Variants in CNTNAP3B observed in about 807,000 individuals in gnomAD.
The protein encoded by CNTNAP3B is contactin-associated protein-like 3B.
Under a neutral mutation model 108.9 loss-of-function variants are expected in CNTNAP3B, and 25 were observed. That is an observed-to-expected ratio of 0.23 (90% confidence interval 0.17 to 0.32). The LOEUF (loss-of-function observed/expected upper bound fraction) is 0.32, where lower values mean the gene tolerates loss of function less well. Among genes scored for constraint, CNTNAP3B ranks in the 10% least tolerant of loss-of-function variants. CNTNAP3B has a pLI of 1.00. For missense variants in CNTNAP3B, 252 were observed against 1,210.4 expected (o/e 0.21, Z 11.75); for synonymous variants, 103 against 473.4 (o/e 0.22, Z 10.16).
chr9:41,954,901 G>C (rs531654293), intron 12 of CNTNAP3B, among the ~76,000 whole-genome samples: 1,861 of 151,854 alleles, frequency 0.012, 15 homozygotes, highest in African/African-American at 0.031. Flanking sequence ...GGCCAGGCTG[G>C]TCTTGAACTC....
At position 41,955,722 on chromosome 9, in the gene CNTNAP3B, G is replaced by C. The variant is rs538898426; in HGVS notation, c.1877-2336C>G. Among the ~76,000 whole-genome samples the C allele has an allele frequency of 4.6e-5, 7 of 152,418 alleles. No homozygotes were observed. The South Asian group carries it at 1.4e-3, about 32-fold the overall frequency. On this transcript the variant is annotated intron_variant, in intron 12 of 23. Transcript: ENST00000377561. ...GCTGAGTCAGAACACACTGGAGGCT[G>C]TCTCACTAGCCCAGAAGGAGGGTAA...
chr9:42,108,069 T>C lies in CNTNAP3B; in HGVS notation c.86-3330A>G, dbSNP rs1828118055. Among the ~76,000 whole-genome samples, 2 of 138,636 alleles carry C rather than the reference T, an allele frequency of 1.4e-5. 1 individual carries two copies. Among genetic ancestry groups the C allele is most frequent in the African/African-American group, 5.7e-5 (2 of 34,956 alleles). 91.0% of individuals were successfully genotyped at this position (138,636 alleles called of 152,430 possible). A position where few individuals can be genotyped will look rare whatever the true frequency, so the allele number is the denominator to read the frequency against. On this transcript the variant is annotated intron_variant, in intron 1 of 23. Transcript: ENST00000377561. ...GTACCTAAGTTTATTGTTTTTTCCC[T>C]ATCATTTTGAATTCTGTGAACACTT...
chr9:41,928,370 A>G (rs1175421391), intron 15 of CNTNAP3B, among the ~76,000 whole-genome samples: 16 of 152,188 alleles, frequency 1.1e-4, no homozygotes, highest in African/African-American at 3.9e-4. Context: ...TTTGCATCTC[A>G]GATGAGGAGC....
At position 41,977,930 on chromosome 9, in the gene CNTNAP3B, C is replaced by T. The variant is rs879237206; in HGVS notation, c.1478-7685G>A. 1.3e-4 allele frequency among the ~76,000 whole-genome samples: 19 copies of T among 142,190 alleles called. No homozygotes were observed. In the South Asian group the frequency reaches 1.8e-3, roughly 14 times the overall value. 93.3% of individuals were successfully genotyped at this position (142,190 alleles called of 152,430 possible). A position where few individuals can be genotyped will look rare whatever the true frequency, so the allele number is the denominator to read the frequency against. On this transcript the variant is annotated intron_variant, in intron 9 of 23. Coordinates refer to ENST00000377561, the MANE Select transcript of CNTNAP3B (RefSeq NM_001201380.3). ...ACAGGCGTGAGCCACTGTGCCTGGC[C>T]GAATTTTACTTTCATATTGTGCTGT...
rs1487462024 is a variant in CNTNAP3B at position 41,922,123 on chromosome 9, G to C, written c.2755+554C>G. The stretch of plus-strand genomic sequence containing the variant: ...TGGTTACTCCACTTCTCTGAGGCTT[G>C]GCTATCTCATCTGTAAACAGATGAC... On this transcript the variant is annotated intron_variant, in intron 17 of 23. Transcript: ENST00000377561. Among the ~76,000 whole-genome samples, 3 of 139,126 alleles carry C rather than the reference G, an allele frequency of 2.2e-5. 1 individual carries two copies. The highest frequency in any genetic ancestry group is 4.7e-5 in the Non-Finnish European group (3 of 64,452). 91.3% of individuals were successfully genotyped at this position (139,126 alleles called of 152,430 possible). A position where few individuals can be genotyped will look rare whatever the true frequency, so the allele number is the denominator to read the frequency against.
Position 42,111,091 on chromosome 9 carries a change from A to G in CNTNAP3B, c.86-6352T>C, listed in dbSNP as rs1315684023. Among the ~76,000 whole-genome samples, 4 of 138,638 alleles carry G rather than the reference A, an allele frequency of 2.9e-5. 1 individual carries two copies. The highest frequency in any genetic ancestry group is 1.1e-4 in the African/African-American group (4 of 34,868). 91.0% of individuals were successfully genotyped at this position (138,638 alleles called of 152,430 possible). The stretch of plus-strand genomic sequence containing the variant: ...TCACCCTACCACCTGGGGCCAGCAC[A>G]GGGACAAGCCTCAGGCCTGGCAACT... On this transcript the variant is annotated intron_variant, in intron 1 of 23. Coordinates refer to ENST00000377561, the MANE Select transcript of CNTNAP3B (RefSeq NM_001201380.3).
intron 13 of CNTNAP3B, among the ~76,000 whole-genome samples, chr9:41,941,954 A>G (rs1452989253): frequency 6.6e-6 from 1 of 152,256 alleles, no homozygotes; most frequent in Non-Finnish European, 1.5e-5. Context: ...AGGAGAAAAC[A>G]TTTTTGAAAT....
chr9:42,124,149 A>G (rs1233591560), intron 1 of CNTNAP3B, among the ~76,000 whole-genome samples: 1 of 138,200 alleles, frequency 7.2e-6, no homozygotes, highest in East Asian at 2.2e-4. Context: ...ATAAGGTTAA[A>G]ACTATTTTAA....
At chr9:42,035,754 C>T (rs1251134584) in intron 3 of CNTNAP3B, among the ~76,000 whole-genome samples, 18 of 151,002 alleles carry the variant, frequency 1.2e-4, no homozygotes, top group African/African-American at 3.4e-4. Flanking sequence ...AACTCCTGGG[C>T]TTAAGCTATC....
chr9:41,980,730 G>A (rs1825613183), intron 9 of CNTNAP3B: 1 of 146,924 alleles, frequency 6.8e-6, no homozygotes, highest in African/African-American at 2.6e-5. Context: ...TGAGGCATTG[G>A]AGGAACATAC....
intron 3 of CNTNAP3B, among the ~76,000 whole-genome samples, chr9:42,021,350 AT>A (rs1166168954): frequency 4.1e-5 from 1 of 24,684 alleles, no homozygotes; most frequent in African/African-American, 1.8e-4. Context: ...CTTGTTCTCT[AT>A]TTTTAATTTT....
rs1825921824 is a variant in CNTNAP3B, at chr9:41,997,494, T to C, written c.927+74A>G. ...TAGTCAACTTAGTTATGAATTACTA[T>C]AAAATGGCATTTCTCTATGCAGCTA... On this transcript the variant is annotated intron_variant, in intron 6 of 23. Coordinates refer to ENST00000377561, the MANE Select transcript of CNTNAP3B (RefSeq NM_001201380.3). 27 of 1,464,254 alleles carry C rather than the reference T, an allele frequency of 1.8e-5. No individual in the cohort carries two copies. The South Asian group carries it at 2.8e-4, about 15-fold the overall frequency. 90.7% of individuals were successfully genotyped at this position (1,464,254 alleles called of 1,614,324 possible).
chr9:42,124,418 C>T lies in CNTNAP3B; in HGVS notation c.85+4592G>A, dbSNP rs1047077240. ...TTTCACACTTGTCTTTTATACAGTA[C>T]CACAACACATCAAGCAGATATATGA... On this transcript the variant is annotated intron_variant, in intron 1 of 23. Transcript: ENST00000377561. Among the ~76,000 whole-genome samples the T allele has an allele frequency of 5.8e-5, 8 of 137,856 alleles. 2 individuals carry two copies. The highest frequency in any genetic ancestry group is 2.3e-4 in the African/African-American group (8 of 34,618). 90.4% of individuals were successfully genotyped at this position (137,856 alleles called of 152,430 possible). A position where few individuals can be genotyped will look rare whatever the true frequency, so the allele number is the denominator to read the frequency against.
At chr9:42,073,218 C>T (rs1199919704) in intron 3 of CNTNAP3B, among the ~76,000 whole-genome samples, 1 of 83,178 alleles carries the variant, frequency 1.2e-5, no homozygotes, top group Non-Finnish European at 2.3e-5. Context: ...CTGGAGAATG[C>T]ATTTTTAATG....
At chr9:41,937,188 C>T (rs1554739577) in intron 14 of CNTNAP3B, among the ~76,000 whole-genome samples, 1,572 of 146,814 alleles carry the variant, frequency 0.011, 17 homozygotes, top group African/African-American at 0.039. Flanking sequence ...AGTGCAGTGG[C>T]GCGATCTCAG....
At chr9:42,102,056 GATAAATAAATAAATAAATAA>G (rs772930176) in intron 2 of CNTNAP3B, among the ~76,000 whole-genome samples, 1 of 34,850 alleles carries the variant, frequency 2.9e-5, no homozygotes, top group Admixed American at 3.9e-4. Flanking sequence ...ACTCCATCTC[GATAAATAAATAAATAAATAA>G]ATAAATAAAT....
At chr9:41,929,532 A>G in intron 14 of CNTNAP3B, 88 bp from the exon 15 acceptor site, 2 of 1,475,044 alleles carry the variant, frequency 1.4e-6, no homozygotes, top group Non-Finnish European at 1.8e-6. Context: ...ATTTGAAACT[A>G]ACATCATAGA....
chr9:41,995,927 T>A (rs1457860440), intron 7 of CNTNAP3B, among the ~76,000 whole-genome samples: 1 of 144,890 alleles, frequency 6.9e-6, no homozygotes, highest in Non-Finnish European at 1.5e-5. Flanking sequence ...TCCCAGCTAC[T>A]CAGGAGGCTG....
chr9:42,126,825 C>T lies in CNTNAP3B; in HGVS notation c.85+2185G>A, dbSNP rs369274335. On this transcript the variant is annotated intron_variant, in intron 1 of 23. Transcript: ENST00000377561. The stretch of plus-strand genomic sequence containing the variant: ...CCTCAGGTGATCCACCCACCTCGGC[C>T]TCCCAAAGTGCTGGGATTACAGACA... Among the ~76,000 whole-genome samples, 12 of 138,750 alleles carry T rather than the reference C, an allele frequency of 8.6e-5. 1 individual carries two copies. In the East Asian group the frequency reaches 2.2e-3, roughly 25 times the overall value. 91.0% of individuals were successfully genotyped at this position (138,750 alleles called of 152,430 possible).
Sources: gnomAD v4.1 joint callset for allele counts (sites outside exome capture counted in the v4.1 genomes callset) on GRCh38, gnomAD v4.1.1 for gene constraint, MANE v1.5 for transcripts, NCBI Gene and HGNC (gene_info 2026-07-23, HGNC 2026-07-21) for gene names.